SESTD1: variants seen among roughly 807,000 people sequenced by gnomAD.
SESTD1 encodes SEC14 and spectrin domain containing 1.
A neutral mutation model predicts 101.7 loss-of-function variants in SESTD1; 43 were observed. The observed-to-expected ratio is 0.42, with a 90% CI of 0.33 to 0.55. SESTD1 has a LOEUF of 0.55. SESTD1 is among the 20% of genes least tolerant of loss of function. The probability of loss-of-function intolerance (pLI) is 0.07; values close to 1 mark genes in which losing one functional copy is unlikely to be tolerated. For synonymous variants in SESTD1, 283 were observed against 286.8 expected (o/e 0.99, Z 0.13); for missense variants, 647 against 815.1 (o/e 0.79, Z 2.51).
intron 1 of SESTD1, among the ~76,000 whole-genome samples, chr2:179,196,026 G>C (rs2046386459): frequency 6.6e-6 from 1 of 152,190 alleles, no homozygotes; most frequent in Non-Finnish European, 1.5e-5. Context: ...GGTGATTTCT[G>C]CATTTCCATC....
At chr2:179,192,729 A>G (rs1480382061) in intron 1 of SESTD1, among the ~76,000 whole-genome samples, 1 of 152,210 alleles carries the variant, frequency 6.6e-6, no homozygotes, top group African/African-American at 2.4e-5. Flanking sequence ...ATACCATCAA[A>G]TTTTGATTTT....
In SESTD1 at chr2:179,108,874, G is replaced by C. The variant is rs910917258; in HGVS notation, c.*1025C>G. On this transcript the variant is annotated 3_prime_UTR_variant, in exon 18 of 18. Transcript: ENST00000428443. The stretch of plus-strand genomic sequence containing the variant: ...ATTGGACTACTTCAGAATTTATTTT[G>C]CTTTTAGACTATAATGAGAAACTAA... The C allele has an allele frequency of 2.0e-5, 3 of 151,862 alleles. No homozygotes were observed. The highest frequency in any genetic ancestry group is 4.4e-5 in the Non-Finnish European group (3 of 67,942). The allele number at this position is 151,862 out of a possible 1,614,324, so 9.4% of individuals were successfully genotyped here.
In SESTD1 at chr2:179,131,621, A is replaced by T. The variant is rs115795534; in HGVS notation, c.972+683T>A. Among the ~76,000 whole-genome samples, 660 of 152,318 alleles carry T rather than the reference A, an allele frequency of 4.3e-3. 8 individuals carry two copies. The highest frequency in any genetic ancestry group is 0.015 in the African/African-American group (627 of 41,576). On this transcript the variant is annotated intron_variant, in intron 10 of 17. Coordinates refer to ENST00000428443, the MANE Select transcript of SESTD1 (RefSeq NM_178123.5). ...AGGGGGGTGAGCTACCCCGTCCACA[A>T]ACTGGATGATCTCTTTCTCAGTAAT...
In SESTD1 at chr2:179,226,211, A is replaced by C. The variant is rs114235338; in HGVS notation, c.-25-34345T>G. On this transcript the variant is annotated intron_variant, in intron 1 of 17. Transcript: ENST00000428443. ...GAAAATAGGCTACACATACTCTTAAAATATTCTCATATTCACCAACATATT... is the reference window on the plus strand; with the variant it reads ...GAAAATAGGCTACACATACTCTTAACATATTCTCATATTCACCAACATATT... Among the ~76,000 whole-genome samples the C allele has an allele frequency of 4.2e-3, 635 of 152,322 alleles. 8 individuals are homozygous for C. Among genetic ancestry groups the C allele is most frequent in the African/African-American group, 0.014 (599 of 41,578 alleles).
At chr2:179,243,369 A>G (rs1030909492) in intron 1 of SESTD1, among the ~76,000 whole-genome samples, 2 of 152,256 alleles carry the variant, frequency 1.3e-5, no homozygotes, top group Non-Finnish European at 2.9e-5. Context: ...AATAACTTAA[A>G]ACAGGACTAC....
intron 8 of SESTD1, among the ~76,000 whole-genome samples, 185 bp from the exon 9 acceptor site, chr2:179,143,988 ATGTG>A (rs148276138): frequency 0.057 from 8,658 of 152,128 alleles, 305 homozygotes; most frequent in South Asian, 0.11. Flanking sequence ...TAATATATAT[ATGTG>A]TGTATGTGTG....
intron 1 of SESTD1, among the ~76,000 whole-genome samples, chr2:179,228,716 C>T (rs2046928552): frequency 6.6e-6 from 1 of 152,160 alleles, no homozygotes; most frequent in African/African-American, 2.4e-5. Flanking sequence ...CCAATATAAC[C>T]TTCAAAAGCT....
intron 9 of SESTD1, among the ~76,000 whole-genome samples, chr2:179,141,828 G>A (rs954899344): frequency 9.9e-5 from 15 of 152,044 alleles, no homozygotes; most frequent in African/African-American, 3.6e-4. Flanking sequence ...AAGCTAATGG[G>A]CTAAAACTTA....
At chr2:179,158,497 C>A (rs578148185) in intron 5 of SESTD1, among the ~76,000 whole-genome samples, 3 of 152,172 alleles carry the variant, frequency 2.0e-5, no homozygotes, top group Non-Finnish European at 4.4e-5. Context: ...GTGAATAATT[C>A]TCTTAAAAGC....
intron 2 of SESTD1, among the ~76,000 whole-genome samples, chr2:179,185,035 A>C (rs1247756131): frequency 2.0e-5 from 3 of 152,142 alleles, no homozygotes; most frequent in Non-Finnish European, 1.5e-5. Flanking sequence ...TAAAGATTAT[A>C]AGAGAATAAT....
At chr2:179,180,399 T>C (rs77887654) in intron 3 of SESTD1, among the ~76,000 whole-genome samples, 3 of 152,118 alleles carry the variant, frequency 2.0e-5, no homozygotes, top group African/African-American at 4.8e-5. Context: ...CTGCTGGAGA[T>C]GTTGGCAGAT....
chr2:179,229,761 A>G (rs1261048892), intron 1 of SESTD1, among the ~76,000 whole-genome samples: 2 of 125,584 alleles, frequency 1.6e-5, no homozygotes, highest in African/African-American at 6.4e-5. Context: ...ATATATATAT[A>G]TATATATATA....
rs1224773567 is a variant in SESTD1 at position 179,202,490 on chromosome 2, A to G, written c.-25-10624T>C. Among the ~76,000 whole-genome samples, 5 of 134,648 alleles carry G rather than the reference A, an allele frequency of 3.7e-5. 1 individual carries two copies. The highest frequency in any genetic ancestry group is 7.2e-5 in the Admixed American group (1 of 13,842). The allele number at this position is 134,648 out of a possible 152,430, so 88.3% of individuals were successfully genotyped here. A position where few individuals can be genotyped will look rare whatever the true frequency, so the allele number is the denominator to read the frequency against. On this transcript the variant is annotated intron_variant, in intron 1 of 17. Transcript: ENST00000428443. ...TTTTCTTGATATGTCTAAATTCTCA[A>G]TGTAATCAAAAAAACAACTTATGCT...
intron 5 of SESTD1, among the ~76,000 whole-genome samples, chr2:179,169,775 G>A (rs1020164689): frequency 3.3e-5 from 5 of 152,000 alleles, no homozygotes; most frequent in African/African-American, 1.2e-4. Flanking sequence ...TGAGGTTTGA[G>A]ACCAGCATGA....
At chr2:179,143,021 AT>A (rs2045313545) in intron 9 of SESTD1, among the ~76,000 whole-genome samples, 1 of 152,168 alleles carries the variant, frequency 6.6e-6, no homozygotes, top group African/African-American at 2.4e-5. Context: ...TTTCTTAATT[AT>A]TCAACATAAA....
At position 179,201,184 on chromosome 2, in the gene SESTD1, G is replaced by T. The variant is rs1343972633; in HGVS notation, c.-25-9318C>A. ...AACACATGAAAAAATGCTCTCCATC[G>T]CTGGCCATCAGAGAAATGCAAATCA... On this transcript the variant is annotated intron_variant, in intron 1 of 17. Coordinates refer to ENST00000428443, the MANE Select transcript of SESTD1 (RefSeq NM_178123.5). Among the ~76,000 whole-genome samples the T allele has an allele frequency of 6.0e-5, 8 of 134,070 alleles. 2 individuals are homozygous for T. Among genetic ancestry groups the T allele is most frequent in the Non-Finnish European group, 1.1e-4 (7 of 62,576 alleles). 88.0% of individuals were successfully genotyped at this position (134,070 alleles called of 152,430 possible). A position where few individuals can be genotyped will look rare whatever the true frequency, so the allele number is the denominator to read the frequency against.
In SESTD1 at chr2:179,103,786, G is replaced by A. The variant is rs2044323370; in HGVS notation, c.*6113C>T. The A allele has an allele frequency of 6.6e-6, 1 of 152,110 alleles. No homozygotes were observed. Among genetic ancestry groups the A allele is most frequent in the South Asian group, 2.1e-4 (1 of 4,832 alleles). The allele number at this position is 152,110 out of a possible 1,614,324, so 9.4% of individuals were successfully genotyped here. On this transcript the variant is annotated 3_prime_UTR_variant, in exon 18 of 18. Coordinates refer to ENST00000428443, the MANE Select transcript of SESTD1 (RefSeq NM_178123.5). Reference sequence around the variant, plus strand: ...AAGGGCAGTGTGGAAACTTTCTAGGGTGGTGATAACGTTTCCTATTTCCAT... The same window carrying A: ...AAGGGCAGTGTGGAAACTTTCTAGGATGGTGATAACGTTTCCTATTTCCAT...
At chr2:179,203,388 G>C (rs930618028) in intron 1 of SESTD1, among the ~76,000 whole-genome samples, 1 of 133,562 alleles carries the variant, frequency 7.5e-6, no homozygotes, top group Non-Finnish European at 1.6e-5. Flanking sequence ...AGGAGTTCAA[G>C]ACCAACCTGG....
At chr2:179,114,338 G>T (rs1178289936) in intron 16 of SESTD1, among the ~76,000 whole-genome samples, 2 of 152,130 alleles carry the variant, frequency 1.3e-5, no homozygotes, top group Non-Finnish European at 2.9e-5. Flanking sequence ...AGTTAGGTTT[G>T]CTAATATCTC....
Sources: allele counts gnomAD v4.1 joint callset (sites outside exome capture counted in the v4.1 genomes callset), GRCh38; gene constraint gnomAD v4.1.1; transcripts MANE v1.5; gene names NCBI Gene and HGNC (gene_info 2026-07-23, HGNC 2026-07-21).